Variants in MDM2 observed in about 807,000 individuals in gnomAD.
MDM2 encodes the protein E3 ubiquitin-protein ligase Mdm2.
Under a neutral mutation model 64.3 loss-of-function variants are expected in MDM2, and 11 were observed. That is an observed-to-expected ratio of 0.17 (90% CI 0.11 to 0.28). The LOEUF is 0.28. MDM2 is among the 10% of genes least tolerant of loss of function. The probability of loss-of-function intolerance (pLI) is 1.00; values close to 1 mark genes in which losing one functional copy is unlikely to be tolerated. For missense variants in MDM2, 388 were observed against 577.1 expected, an observed-to-expected ratio of 0.67 and a Z score of 3.36; for synonymous variants, 194 against 192.9, an observed-to-expected ratio of 1.01 and a Z score of -0.05.
At chr12:68,838,675 G>C (rs1013643088) in intron 10 of MDM2, among the ~76,000 whole-genome samples, 1 of 152,254 alleles carries the variant, frequency 6.6e-6, no homozygotes, top group South Asian at 2.1e-4. Context: ...TAGCGCCTAG[G>C]GTTGAGCCTT....
intron 8 of MDM2, among the ~76,000 whole-genome samples, chr12:68,835,044 CGA>C (rs1565745212): frequency 6.6e-6 from 1 of 151,912 alleles, no homozygotes; most frequent in African/African-American, 2.4e-5. Flanking sequence ...ATCTATGACT[CGA>C]GACATTTTTC....
intron 3 of MDM2, among the ~76,000 whole-genome samples, chr12:68,813,846 T>C (rs1418096892): frequency 6.6e-6 from 1 of 152,244 alleles, no homozygotes; most frequent in African/African-American, 2.4e-5. Context: ...GGAAGCCCCG[T>C]AAGGGTGCTT....
downstream of MDM2, chr12:68,847,057 C>T: frequency 6.7e-6 from 1 of 150,074 alleles, no homozygotes; most frequent in South Asian, 2.1e-4. Context: ...GCAAACATGA[C>T]TCACTGCAGC....
Position 68,809,221 on chromosome 12 carries a change from A to T in MDM2, c.28A>T (p.Thr10Ser). The T allele has an allele frequency of 3.1e-6, 5 of 1,613,636 alleles. No individual in the cohort carries two copies. Among genetic ancestry groups the T allele is most frequent in the Non-Finnish European group, 4.2e-6 (5 of 1,179,758 alleles). ...TTTTCCTTGTAGGCAAATGTGCAAT[A>T]CCAACATGTCTGTACCTACTGATGG... MVRSRQMCN[T>S]NMSVPTDGAV... The change falls in exon 2 of 11, where the codon ACC becomes TCC. Residue 10 changes from threonine (T) to serine (S), a missense_variant. Transcript: ENST00000258149.
intron 3 of MDM2, 120 bp from the exon 4 acceptor site, chr12:68,816,692 A>G: frequency 1.1e-6 from 1 of 874,632 alleles, no homozygotes; most frequent in Non-Finnish European, 1.7e-6. Flanking sequence ...GTTGTTCTAC[A>G]TAGTTGTGGA....
At chr12:68,824,181 A>T (rs1459606691) in intron 5 of MDM2, 182 bp from the exon 6 acceptor site, 15 of 556,388 alleles carry the variant, frequency 2.7e-5, no homozygotes, top group Non-Finnish European at 4.8e-5. Context: ...TTAAAGTTGA[A>T]TTATTTTATT....
At chr12:68,828,391 A>G (rs981299040) in intron 7 of MDM2, 1 of 162,436 alleles carries the variant, frequency 6.2e-6, no homozygotes, top group African/African-American at 2.4e-5. Context: ...CAACATGGTG[A>G]AACCCTGTCT....
intron 4 of MDM2, among the ~76,000 whole-genome samples, chr12:68,817,910 G>A (rs1881524232): frequency 6.6e-6 from 1 of 151,930 alleles, no homozygotes; most frequent in Non-Finnish European, 1.5e-5. Flanking sequence ...TGATTCTCCT[G>A]CCTCGGCTTC....
At chr12:68,822,746 CTTT>C (rs35863515) in intron 5 of MDM2, among the ~76,000 whole-genome samples, 1 of 146,388 alleles carries the variant, frequency 6.8e-6, no homozygotes. Flanking sequence ...AACTTTGTCA[CTTT>C]TTTTTTTTTG....
intron 8 of MDM2, among the ~76,000 whole-genome samples, chr12:68,833,556 G>A (rs7296578): frequency 0.091 from 13,665 of 150,478 alleles, 2,089 homozygotes; most frequent in African/African-American, 0.32. Context: ...ATTTTTTATA[G>A]TATTTTTATA....
At chr12:68,837,418 G>A (rs1184627063) in intron 10 of MDM2, among the ~76,000 whole-genome samples, 1 of 151,120 alleles carries the variant, frequency 6.6e-6, no homozygotes, top group Non-Finnish European at 1.5e-5. Flanking sequence ...GGAGTGCAGT[G>A]ATGTGATCAT....
At chr12:68,835,731 C>G in intron 8 of MDM2, 98 bp from the exon 9 acceptor site, 1 of 1,195,464 alleles carries the variant, frequency 8.4e-7, no homozygotes, top group Non-Finnish European at 1.2e-6. Flanking sequence ...ACTGTTACAC[C>G]CTGCTGGCAG....
chr12:68,817,397 C>T (rs914074614), intron 4 of MDM2, among the ~76,000 whole-genome samples: 1 of 152,162 alleles, frequency 6.6e-6, no homozygotes, highest in Non-Finnish European at 1.5e-5. Context: ...TTTTGGAGAT[C>T]ATTTTCATTG....
intron 1 of MDM2, 159 bp from the exon 2 acceptor site, chr12:68,809,049 G>A (rs1482530862): frequency 1.5e-5 from 22 of 1,497,762 alleles, no homozygotes; most frequent in African/African-American, 1.4e-5. Context: ...GTAGACCTGT[G>A]GGCACGGACG....
intron 10 of MDM2, among the ~76,000 whole-genome samples, chr12:68,837,360 CTTT>C (rs968226523): frequency 4.1e-5 from 6 of 145,938 alleles, no homozygotes; most frequent in African/African-American, 1.5e-4. Flanking sequence ...CAAACGTAAA[CTTT>C]TTTTTTTTTC....
At position 68,808,445 on chromosome 12, in the gene MDM2, A is replaced by C. The variant is rs1236578039; in HGVS notation, c.-33A>C. 5 of 1,613,758 alleles carry C rather than the reference A, an allele frequency of 3.1e-6. No homozygotes were observed. The highest frequency in any genetic ancestry group is 4.2e-6 in the Non-Finnish European group (5 of 1,179,954). Reference sequence around the variant, plus strand: ...CCGTGAAGGAAACTGGGGAGTCTTGAGGGACCCCCGACTCCAAGCGCGAAA... The same window carrying C: ...CCGTGAAGGAAACTGGGGAGTCTTGCGGGACCCCCGACTCCAAGCGCGAAA... On this transcript the variant is annotated 5_prime_UTR_variant, in exon 1 of 11. Coordinates refer to ENST00000258149, the MANE Select transcript of MDM2 (RefSeq NM_002392.6).
chr12:68,837,935 G>A (rs1483494345), intron 10 of MDM2, among the ~76,000 whole-genome samples: 1 of 152,048 alleles, frequency 6.6e-6, no homozygotes, highest in South Asian at 2.1e-4. Context: ...AATTTTTACT[G>A]TATTAGAAAA....
At chr12:68,828,120 G>A (rs1882487203) in intron 7 of MDM2, 1 of 152,124 alleles carries the variant, frequency 6.6e-6, no homozygotes, top group South Asian at 2.1e-4. Context: ...GGTCGAGTGT[G>A]ACTCTGTCTC....
At chr12:68,849,066 A>G (rs1445054427), downstream of MDM2, 1 of 150,074 alleles carries the variant, frequency 6.7e-6, no homozygotes, top group Admixed American at 6.7e-5. Context: ...TCGTTGGAAG[A>G]CTAAAGGTGT....
Sources: gnomAD v4.1 joint callset for allele counts (sites outside exome capture counted in the v4.1 genomes callset) on GRCh38, gnomAD v4.1.1 for gene constraint, MANE v1.5 for transcripts, NCBI Gene and HGNC (gene_info 2026-07-23, HGNC 2026-07-21) for gene names.